Variants in ANKRD44 observed in about 807,000 individuals in gnomAD.
The protein encoded by ANKRD44 is ankyrin repeat domain 44, also known as serine/threonine-protein phosphatase 6 regulatory ankyrin repeat subunit B.
A neutral mutation model predicts 116.0 loss-of-function variants in ANKRD44; 35 were observed. The ratio of observed to expected loss-of-function variants is 0.30; its 90% CI spans 0.23 to 0.40. The LOEUF is 0.40. Ranked by LOEUF, ANKRD44 falls within the 10% of genes least tolerant of loss-of-function variation. ANKRD44 has a pLI of 1.00. For synonymous variants in ANKRD44, 435 were observed against 461.8 expected, an observed-to-expected ratio of 0.94 and a Z score of 0.74; for missense variants, 1,014 against 1,242.6, an observed-to-expected ratio of 0.82 and a Z score of 2.77.
At chr2:196,977,365 A>C (rs2075767969) in intron 21 of ANKRD44, among the ~76,000 whole-genome samples, 1 of 152,142 alleles carries the variant, frequency 6.6e-6, no homozygotes, top group Non-Finnish European at 1.5e-5. Context: ...GACACCAAAA[A>C]TATGACTTCT....
chr2:197,126,057 T>G lies in ANKRD44; in HGVS notation c.262-20A>C. 1.9e-6 allele frequency: 3 copies of G among 1,613,672 alleles called. No homozygotes were observed. The highest frequency in any genetic ancestry group is 2.5e-6 in the Non-Finnish European group (3 of 1,179,608). Reference sequence around the variant, plus strand: ...TGCTTCCTACAACAAAAGCAGAGTTTGCAGAGGTCACTGACAGACGTTCAA... The same window carrying G: ...TGCTTCCTACAACAAAAGCAGAGTTGGCAGAGGTCACTGACAGACGTTCAA... On this transcript the variant is annotated intron_variant, in intron 4 of 27. Coordinates refer to ENST00000282272, the MANE Select transcript of ANKRD44 (RefSeq NM_001195144.2).
At chr2:197,139,640 T>TAA (rs1559096052) in intron 3 of ANKRD44, among the ~76,000 whole-genome samples, 1 of 150,488 alleles carries the variant, frequency 6.6e-6, no homozygotes, top group African/African-American at 2.5e-5. Context: ...GATATAGATA[T>TAA]AGATATAGAT....
At chr2:197,117,383 G>A (rs750552067) in intron 8 of ANKRD44, among the ~76,000 whole-genome samples, 1 of 152,178 alleles carries the variant, frequency 6.6e-6, no homozygotes, top group Non-Finnish European at 1.5e-5. Flanking sequence ...GGGATTACAG[G>A]CATGCGCCAC....
intron 27 of ANKRD44, chr2:196,990,890 G>C: frequency 1.6e-6 from 2 of 1,232,572 alleles, no homozygotes; most frequent in Non-Finnish European, 2.0e-6. Context: ...AGTCAGCCAC[G>C]TCTTTGTTAG....
At chr2:197,179,689 G>A (rs1384710313) in intron 2 of ANKRD44, among the ~76,000 whole-genome samples, 2 of 152,108 alleles carry the variant, frequency 1.3e-5, no homozygotes. Flanking sequence ...CTCTCTTTTG[G>A]AGGCTGGGTG....
intron 18 of ANKRD44, among the ~76,000 whole-genome samples, chr2:197,011,598 G>A (rs1054916217): frequency 3.3e-5 from 5 of 151,620 alleles, no homozygotes; most frequent in South Asian, 2.1e-4. Context: ...TCAGCCTCCC[G>A]AGTAGCTGGG....
intron 17 of ANKRD44, among the ~76,000 whole-genome samples, chr2:197,020,222 T>C (rs1436677151): frequency 2.6e-5 from 4 of 152,218 alleles, no homozygotes; most frequent in Non-Finnish European, 5.9e-5. Context: ...ACTCCAGGCT[T>C]AGTCTGTCGC....
chr2:197,168,893 C>T (rs1361462656), intron 2 of ANKRD44, among the ~76,000 whole-genome samples: 5 of 152,152 alleles, frequency 3.3e-5, no homozygotes, highest in South Asian at 2.1e-4. Context: ...ATCATTTCTG[C>T]CCTGACCCCA....
chr2:197,244,998 G>A (rs1050203819), intron 1 of ANKRD44, among the ~76,000 whole-genome samples: 14 of 152,170 alleles, frequency 9.2e-5, no homozygotes, highest in African/African-American at 3.4e-4. Context: ...ATAAAGGCCG[G>A]GTGTGGTAGC....
intron 9 of ANKRD44, among the ~76,000 whole-genome samples, chr2:197,107,478 C>T (rs973844649): frequency 6.6e-6 from 1 of 151,944 alleles, no homozygotes; most frequent in African/African-American, 2.4e-5. Flanking sequence ...GATTGGATAG[C>T]AGAGGTAGTC....
intron 1 of ANKRD44, among the ~76,000 whole-genome samples, chr2:197,188,799 G>T (rs1263276682): frequency 6.6e-6 from 1 of 152,094 alleles, no homozygotes; most frequent in South Asian, 2.1e-4. Context: ...CCTAGTAGTC[G>T]ATTAGATGAC....
At position 197,120,704 on chromosome 2, in the gene ANKRD44, A is replaced by G. The variant is rs115675733; in HGVS notation, c.906+628T>C. Among the ~76,000 whole-genome samples, 551 of 152,136 alleles carry G rather than the reference A, an allele frequency of 3.6e-3. 4 individuals are homozygous for G. Among genetic ancestry groups the G allele is most frequent in the South Asian group, 0.02 (96 of 4,824 alleles). On this transcript the variant is annotated intron_variant, in intron 8 of 27. Transcript: ENST00000282272. The stretch of plus-strand genomic sequence containing the variant: ...GGTATCTGAGAAGCTCTAAACCCAC[A>G]CTGGAGTTGGAAACAGGCCTACAAT...
chr2:197,242,105 T>C (rs2091542), intron 1 of ANKRD44, among the ~76,000 whole-genome samples: 34,728 of 152,054 alleles, frequency 0.23, 4,107 homozygotes, highest in Middle Eastern at 0.27. Context: ...CATCAATTTA[T>C]TGAATGCCTT....
intron 1 of ANKRD44, among the ~76,000 whole-genome samples, chr2:197,268,345 T>A (rs1308841789): frequency 6.6e-6 from 1 of 152,212 alleles, no homozygotes; most frequent in Non-Finnish European, 1.5e-5. Context: ...GGCAAAGAGA[T>A]GACAAGTTAT....
chr2:197,200,323 G>A (rs2081064254), intron 1 of ANKRD44, among the ~76,000 whole-genome samples: 1 of 152,152 alleles, frequency 6.6e-6, no homozygotes, highest in African/African-American at 2.4e-5. Flanking sequence ...GGCAGGACTT[G>A]AACAAGGCCT....
At chr2:197,056,377 T>C (rs527426490) in intron 16 of ANKRD44, among the ~76,000 whole-genome samples, 2 of 152,338 alleles carry the variant, frequency 1.3e-5, no homozygotes, top group East Asian at 3.9e-4. Context: ...GAAATAATTA[T>C]GTTTTTCTAC....
At chr2:197,025,351 C>G in intron 16 of ANKRD44, 84 bp from the exon 17 acceptor site, 1 of 1,055,122 alleles carries the variant, frequency 9.5e-7, no homozygotes, top group Non-Finnish European at 1.4e-6. Flanking sequence ...GTTTCAGAAA[C>G]TTGAGAAGTT....
intron 16 of ANKRD44, among the ~76,000 whole-genome samples, chr2:197,027,353 C>G (rs1205961770): frequency 6.6e-6 from 1 of 152,114 alleles, no homozygotes; most frequent in African/African-American, 2.4e-5. Context: ...CAGAGCCAGA[C>G]TCTGTCTCAA....
intron 15 of ANKRD44, among the ~76,000 whole-genome samples, chr2:197,079,958 C>T (rs914862352): frequency 3.3e-5 from 5 of 152,112 alleles, no homozygotes; most frequent in Non-Finnish European, 5.9e-5. Context: ...AATAATAAAT[C>T]AAACTATTCT....
Sources: allele counts gnomAD v4.1 joint callset (sites outside exome capture counted in the v4.1 genomes callset), GRCh38; gene constraint gnomAD v4.1.1; transcripts MANE v1.5; gene names NCBI Gene and HGNC (gene_info 2026-07-23, HGNC 2026-07-21).